Variants in DHRS7B observed in about 807,000 individuals in gnomAD.
DHRS7B encodes the protein peroxisomal reductase activating PPAR-gamma.
In DHRS7B, 24 loss-of-function variants were observed where a neutral mutation model predicts 26.4. The ratio of observed to expected loss-of-function variants is 0.91; its 90% CI spans 0.66 to 1.28. The LOEUF (loss-of-function observed/expected upper bound fraction) is 1.28, where lower values mean the gene tolerates loss of function less well. Ranked by LOEUF, DHRS7B falls within the 50% of genes most tolerant of loss-of-function variation. DHRS7B has a pLI of 0.00. For synonymous variants in DHRS7B, 142 were observed against 166.4 expected (o/e 0.85, Z 1.13); for missense variants, 368 against 419.4 (o/e 0.88, Z 1.07).
intron 1 of DHRS7B, among the ~76,000 whole-genome samples, chr17:21,154,255 A>G (rs1395717143): frequency 6.6e-6 from 1 of 152,116 alleles, no homozygotes; most frequent in Non-Finnish European, 1.5e-5. Flanking sequence ...GGCTGCAGTG[A>G]GCCGAGATCG....
intron 1 of DHRS7B, among the ~76,000 whole-genome samples, chr17:21,150,915 T>A (rs1475026662): frequency 6.6e-6 from 1 of 152,124 alleles, no homozygotes. Context: ...ATTCTAGATA[T>A]TAGGATTAGA....
chr17:21,187,633 CAA>C (rs370213730), intron 5 of DHRS7B, among the ~76,000 whole-genome samples: 41,412 of 98,860 alleles, frequency 0.42, 6,485 homozygotes, highest in Non-Finnish European at 0.51. Context: ...GACTCTGTCT[CAA>C]AAAAAAAAAA....
At chr17:21,152,246 C>T (rs1973788050) in intron 1 of DHRS7B, among the ~76,000 whole-genome samples, 1 of 151,340 alleles carries the variant, frequency 6.6e-6, no homozygotes, top group Non-Finnish European at 1.5e-5. Flanking sequence ...CCTCAGCCTC[C>T]TGGGCTCAAG....
intron 1 of DHRS7B, among the ~76,000 whole-genome samples, chr17:21,148,045 G>A (rs1474138060): frequency 6.6e-6 from 1 of 151,934 alleles, no homozygotes; most frequent in South Asian, 2.1e-4. Context: ...GTGAGATAGT[G>A]TCTCTATTTT....
chr17:21,128,398 C>G (rs1973148336), intron 1 of DHRS7B: 1 of 151,482 alleles, frequency 6.6e-6, no homozygotes, highest in Admixed American at 6.6e-5. Flanking sequence ...CCCGTCTCTA[C>G]TAAAAAATAC....
chr17:21,171,840 T>C (rs1974254110), intron 1 of DHRS7B, 178 bp from the exon 2 acceptor site: 1 of 775,600 alleles, frequency 1.3e-6, no homozygotes, highest in Non-Finnish European at 2.2e-6. Flanking sequence ...AGGAAGAAAG[T>C]TCTACAATGC....
At chr17:21,169,285 C>T (rs1974183631) in intron 1 of DHRS7B, among the ~76,000 whole-genome samples, 2 of 152,220 alleles carry the variant, frequency 1.3e-5, no homozygotes, top group African/African-American at 4.8e-5. Context: ...AAGAACCACA[C>T]TTCACAAGCC....
chr17:21,157,156 A>G (rs959545352), intron 1 of DHRS7B, among the ~76,000 whole-genome samples: 4 of 151,572 alleles, frequency 2.6e-5, no homozygotes, highest in Middle Eastern at 3.4e-3. Flanking sequence ...AATTATACCA[A>G]TTCTCTACAA....
intron 1 of DHRS7B, chr17:21,166,208 C>T: frequency 4.1e-6 from 4 of 985,408 alleles, no homozygotes; most frequent in Non-Finnish European, 4.8e-6. Flanking sequence ...GCTGCTCTTC[C>T]CAGGATTGAA....
intron 1 of DHRS7B, among the ~76,000 whole-genome samples, chr17:21,139,963 A>G (rs1487332724): frequency 6.6e-6 from 1 of 151,634 alleles, no homozygotes; most frequent in African/African-American, 2.4e-5. Context: ...AGGCATGCCA[A>G]TAGAAGTACA....
chr17:21,151,040 T>C (rs1021564607), intron 1 of DHRS7B, among the ~76,000 whole-genome samples: 1 of 152,226 alleles, frequency 6.6e-6, no homozygotes, highest in Non-Finnish European at 1.5e-5. Flanking sequence ...CACATCTAGA[T>C]ACATCGTAGT....
At chr17:21,130,836 A>G (rs1237023439) in intron 1 of DHRS7B, among the ~76,000 whole-genome samples, 1 of 152,178 alleles carries the variant, frequency 6.6e-6, no homozygotes, top group Non-Finnish European at 1.5e-5. Flanking sequence ...AGCCAATGTT[A>G]TTTTAATGCA....
chr17:21,173,341 G>A (rs1175288192), intron 2 of DHRS7B, among the ~76,000 whole-genome samples: 1 of 152,232 alleles, frequency 6.6e-6, no homozygotes, highest in Non-Finnish European at 1.5e-5. Context: ...GAGAAGGAAT[G>A]ACTAGGACTT....
intron 1 of DHRS7B, among the ~76,000 whole-genome samples, chr17:21,131,928 T>G (rs150145920): frequency 3.3e-5 from 5 of 152,188 alleles, no homozygotes; most frequent in African/African-American, 1.2e-4. Context: ...ATAATCCAGA[T>G]TGGTTTAAAA....
chr17:21,190,219 G>C (rs778857255), intron 6 of DHRS7B, among the ~76,000 whole-genome samples: 16 of 151,716 alleles, frequency 1.1e-4, no homozygotes, highest in Non-Finnish European at 1.9e-4. Context: ...CCGCTCCTGT[G>C]TGCCTGCCAG....
At position 21,172,132 on chromosome 17, in the gene DHRS7B, C is replaced by A. The variant is rs764906576; in HGVS notation, c.135C>A (p.Arg45=). 3.1e-6 allele frequency: 5 copies of A among 1,613,914 alleles called. No individual in the cohort carries two copies. The African/African-American group carries it at 6.7e-5, about 22-fold the overall frequency. The part of the protein sequence containing the change: ...FGLFRLLQWV[R]GKAYLRNAVV... ...TCTTCCGGCTGCTGCAGTGGGTGCG[C>A]GGGAAGGCCTACCTGCGGAATGCTG... Residue 45 remains arginine (R), a synonymous_variant, in exon 2 of 7, where the codon CGC becomes CGA. Transcript: ENST00000395511.
chr17:21,142,713 G>C lies in DHRS7B; in HGVS notation c.20+15722G>C, dbSNP rs74387634. Among the ~76,000 whole-genome samples, 601 of 151,976 alleles carry C rather than the reference G, an allele frequency of 4.0e-3. 5 individuals carry two copies. Among genetic ancestry groups the C allele is most frequent in the African/African-American group, 0.014 (585 of 41,438 alleles). ...CTCCCCCGCCCCGCCGTTACCCTGG[G>C]GGCTTCCAGGTCACAGGTAGGTGAG... On this transcript the variant is annotated intron_variant, in intron 1 of 6. Coordinates refer to ENST00000395511, the MANE Select transcript of DHRS7B (RefSeq NM_015510.5).
At chr17:21,144,474 C>T (rs938157134) in intron 1 of DHRS7B, among the ~76,000 whole-genome samples, 1 of 152,058 alleles carries the variant, frequency 6.6e-6, no homozygotes, top group Non-Finnish European at 1.5e-5. Context: ...TTATGAAAAC[C>T]CAGGTTTACT....
chr17:21,175,947 T>G (rs938216248), intron 2 of DHRS7B, among the ~76,000 whole-genome samples: 3 of 143,004 alleles, frequency 2.1e-5, no homozygotes, highest in Admixed American at 2.1e-4. Flanking sequence ...AAAAAAAAAG[T>G]AAAAAACTAT....
Sources: allele counts gnomAD v4.1 joint callset (sites outside exome capture counted in the v4.1 genomes callset), GRCh38; gene constraint gnomAD v4.1.1; transcripts MANE v1.5; gene names NCBI Gene and HGNC (gene_info 2026-07-23, HGNC 2026-07-21).